The following RUSC2 variants were observed in gnomAD, a reference collection of about 807,000 sequenced individuals.
RUSC2 encodes RUN and SH3 domain containing 2.
In RUSC2, 34 loss-of-function variants were observed where a neutral mutation model predicts 122.2. That is an observed-to-expected ratio of 0.28 (90% CI 0.21 to 0.37). RUSC2 has a LOEUF of 0.37. RUSC2 is among the 10% of genes least tolerant of loss of function. The pLI, the probability that RUSC2 is intolerant of heterozygous loss-of-function variation, is 1.00. For missense variants in RUSC2, 1,747 were observed against 1,952.4 expected (o/e 0.89, Z 1.98); for synonymous variants, 784 against 790.0 (o/e 0.99, Z 0.13).
At position 35,549,318 on chromosome 9, in the gene RUSC2, G is replaced by T. The variant is rs189080957; in HGVS notation, c.2014+783G>T. 1.2e-3 allele frequency: 914 copies of T among 771,710 alleles called. 5 individuals carry two copies. The South Asian group carries it at 0.014, about 12-fold the overall frequency. 47.8% of individuals were successfully genotyped at this position (771,710 alleles called of 1,614,324 possible). On this transcript the variant is annotated intron_variant, in intron 2 of 11. Coordinates refer to ENST00000361226, the MANE Select transcript of RUSC2 (RefSeq NM_014806.5). ...GTTTTTTTTTTTTTCTTTTTGAGAC[G>T]GAGTCTTGCTCTTTCGCCCAGGCTG...
intron 1 of RUSC2, among the ~76,000 whole-genome samples, chr9:35,524,934 G>A (rs1194036568): frequency 2.0e-5 from 3 of 151,142 alleles, no homozygotes; most frequent in Admixed American, 1.3e-4. Context: ...TCGCACCACT[G>A]CACTCCAGCC....
Position 35,558,098 on chromosome 9 carries a change from A to T in RUSC2, c.3061-99A>T. The T allele has an allele frequency of 1.3e-6, 2 of 1,585,038 alleles. No homozygotes were observed. Among genetic ancestry groups the T allele is most frequent in the South Asian group, 2.2e-5 (2 of 90,166 alleles). On this transcript the variant is annotated intron_variant, in intron 6 of 11. Coordinates refer to ENST00000361226, the MANE Select transcript of RUSC2 (RefSeq NM_014806.5). The surrounding 1 kb of genome is among the most constrained non-coding windows in gnomAD (Gnocchi z 4.3). ...ATTTAGAGCCCAGGGTTGGGTACTT[A>T]GGAATGGGGACGGCAAGAGGGGAAC... is the stretch of plus-strand genomic sequence containing the variant.
At chr9:35,491,623 T>C (rs764186066) in intron 1 of RUSC2, among the ~76,000 whole-genome samples, 1 of 152,228 alleles carries the variant, frequency 6.6e-6, no homozygotes, top group African/African-American at 2.4e-5. Context: ...CCTTTTCCGC[T>C]TTCTGTCTCC....
At chr9:35,541,174 G>A (rs1384889231) in intron 1 of RUSC2, among the ~76,000 whole-genome samples, 2 of 152,048 alleles carry the variant, frequency 1.3e-5, no homozygotes, top group African/African-American at 4.8e-5. Flanking sequence ...CTACCTGGTA[G>A]GCATAGCTAG....
Position 35,555,379 on chromosome 9 carries a change from C to A in RUSC2, c.2334C>A (p.Gly778=). 6.2e-7 allele frequency: 1 copy of A among 1,614,252 alleles called. No individual in the cohort carries two copies. Among genetic ancestry groups the A allele is most frequent in the Non-Finnish European group, 8.5e-7 (1 of 1,180,026 alleles). ...AGACCTCTCGGCCATCGCCCCTGGG[C>A]AGCTACTCCCCCATCCGGAGTGTTG... is the stretch of plus-strand genomic sequence containing the variant. The part of the protein sequence containing the change: ...EPETSRPSPL[G]SYSPIRSVGP... Residue 778 remains glycine (G), a synonymous_variant, in exon 3 of 12, where the codon GGC becomes GGA. Coordinates refer to ENST00000361226, the MANE Select transcript of RUSC2 (RefSeq NM_014806.5). This position sits in a 1 kb window ranked among gnomAD's most constrained non-coding sequence, Gnocchi z 4.6.
At chr9:35,513,233 C>T (rs1458715734) in intron 1 of RUSC2, among the ~76,000 whole-genome samples, 1 of 129,752 alleles carries the variant, frequency 7.7e-6, no homozygotes, top group Non-Finnish European at 1.8e-5. Context: ...GTTGTTGTTG[C>T]TTGAGACAGA....
Position 35,517,715 on chromosome 9 carries a change from A to C in RUSC2, c.-93+27543A>C, listed in dbSNP as rs147965198. 2.9e-4 allele frequency among the ~76,000 whole-genome samples: 44 copies of C among 152,344 alleles called. 1 individual carries two copies. In the East Asian group the frequency reaches 8.5e-3, roughly 29 times the overall value. The stretch of plus-strand genomic sequence containing the variant: ...AGAAGGGCACTGCATCTCTGGGCAC[A>C]GACTGGGCCTATTTCCTAATGTGGC... On this transcript the variant is annotated intron_variant, in intron 1 of 11. Coordinates refer to ENST00000361226, the MANE Select transcript of RUSC2 (RefSeq NM_014806.5).
In RUSC2 at chr9:35,551,454, G is replaced by A. The variant is rs145533109; in HGVS notation, c.2014+2919G>A. On this transcript the variant is annotated intron_variant, in intron 2 of 11. Transcript: ENST00000361226. ...CATGGGAGGGAGATCTCTAGGGAAGGGGCAGGATCAGAAACAGCAAGGATT... is the reference window on the plus strand; with the variant it reads ...CATGGGAGGGAGATCTCTAGGGAAGAGGCAGGATCAGAAACAGCAAGGATT... Among the ~76,000 whole-genome samples the A allele has an allele frequency of 2.3e-4, 35 of 152,274 alleles. No individual in the cohort carries two copies. The East Asian group carries it at 6.8e-3, about 29-fold the overall frequency.
chr9:35,544,669 T>C (rs1285731606), intron 1 of RUSC2, among the ~76,000 whole-genome samples: 1 of 152,176 alleles, frequency 6.6e-6, no homozygotes, highest in African/African-American at 2.4e-5. Flanking sequence ...AAGTCTTTTA[T>C]CAGGTATATG....
At position 35,559,761 on chromosome 9, in the gene RUSC2, C is replaced by T. The variant is rs118189793; in HGVS notation, c.3389-268C>T. Among the ~76,000 whole-genome samples, 764 of 152,220 alleles carry T rather than the reference C, an allele frequency of 5.0e-3. 5 individuals are homozygous for T. Among genetic ancestry groups the T allele is most frequent in the Non-Finnish European group, 7.2e-3 (488 of 67,998 alleles). On this transcript the variant is annotated intron_variant, in intron 9 of 11. Coordinates refer to ENST00000361226, the MANE Select transcript of RUSC2 (RefSeq NM_014806.5). ...AAAAACAAAACAAAAAACCTTGGAG[C>T]CAGCAGGATACTCTAGCAATCTGGG...
intron 1 of RUSC2, among the ~76,000 whole-genome samples, chr9:35,540,303 G>A (rs1821616499): frequency 2.0e-5 from 3 of 152,132 alleles, no homozygotes; most frequent in Admixed American, 2.0e-4. Context: ...AGGAGTTCAA[G>A]GTGCAGTGAG....
intron 1 of RUSC2, among the ~76,000 whole-genome samples, chr9:35,532,305 G>A (rs373658994): frequency 2.0e-5 from 3 of 152,210 alleles, no homozygotes; most frequent in South Asian, 2.1e-4. Context: ...CAAAGGTAAT[G>A]GGAAGTACTA....
chr9:35,494,221 T>A (rs945531053), intron 1 of RUSC2, among the ~76,000 whole-genome samples: 100 of 151,926 alleles, frequency 6.6e-4, no homozygotes, highest in Non-Finnish European at 1.2e-3. Context: ...ATCCCAGCAC[T>A]TTGGGAGGCC....
intron 2 of RUSC2, among the ~76,000 whole-genome samples, chr9:35,554,120 G>A (rs933375695): frequency 2.0e-5 from 3 of 152,220 alleles, no homozygotes; most frequent in East Asian, 1.9e-4. Context: ...GCTTTAGGCC[G>A]GGTGCGTGCT....
chr9:35,494,789 T>A (rs1820644270), intron 1 of RUSC2, among the ~76,000 whole-genome samples: 1 of 150,774 alleles, frequency 6.6e-6, no homozygotes, highest in South Asian at 2.1e-4. Context: ...GTTTTTAAAT[T>A]TGAAATCTAA....
At chr9:35,537,931 T>C (rs1381816412) in intron 1 of RUSC2, among the ~76,000 whole-genome samples, 1 of 152,144 alleles carries the variant, frequency 6.6e-6, no homozygotes, top group Non-Finnish European at 1.5e-5. Context: ...AGCTGCAGTT[T>C]CTCCCTTTTT....
At chr9:35,523,905 C>A (rs1210959262) in intron 1 of RUSC2, among the ~76,000 whole-genome samples, 1 of 152,040 alleles carries the variant, frequency 6.6e-6, no homozygotes, top group Non-Finnish European at 1.5e-5. Context: ...GATTATGACC[C>A]ACTGACTTTT....
At chr9:35,502,031 G>C (rs999696642) in intron 1 of RUSC2, among the ~76,000 whole-genome samples, 1 of 151,976 alleles carries the variant, frequency 6.6e-6, no homozygotes, top group Non-Finnish European at 1.5e-5. Context: ...TTTGAGTACT[G>C]TTGGTCTCTT....
At chr9:35,529,669 C>T (rs1338736886) in intron 1 of RUSC2, among the ~76,000 whole-genome samples, 3 of 150,916 alleles carry the variant, frequency 2.0e-5, no homozygotes, top group Non-Finnish European at 4.4e-5. Context: ...GCCTTTGCTC[C>T]AGGGTCATGA....
Sources: allele counts gnomAD v4.1 joint callset (sites outside exome capture counted in the v4.1 genomes callset), GRCh38; gene constraint gnomAD v4.1.1; non-coding constraint Gnocchi (gnomAD v3.1); transcripts MANE v1.5; gene names NCBI Gene and HGNC (gene_info 2026-07-23, HGNC 2026-07-21).